The following ROBO2 variants were observed in gnomAD, a reference collection of about 807,000 sequenced individuals.
ROBO2 encodes roundabout homolog 2.
A neutral mutation model predicts 160.8 loss-of-function variants in ROBO2; 53 were observed. The ratio of observed to expected loss-of-function variants is 0.33; its 90% CI spans 0.26 to 0.41. The LOEUF is 0.41. Among genes scored for constraint, ROBO2 ranks in the 10% least tolerant of loss-of-function variants. The probability of loss-of-function intolerance (pLI) is 1.00; values close to 1 mark genes in which losing one functional copy is unlikely to be tolerated. For missense variants in ROBO2, 1,577 were observed against 1,722.4 expected (o/e 0.92, Z 1.49); for synonymous variants, 664 against 611.7 (o/e 1.09, Z -1.26).
intron 2 of ROBO2, among the ~76,000 whole-genome samples, chr3:76,871,064 A>T (rs529572762): frequency 7.1e-4 from 108 of 152,320 alleles, no homozygotes; most frequent in Non-Finnish European, 1.4e-3. Flanking sequence ...TGGACTTGAA[A>T]TTATACATAA....
chr3:76,331,547 C>T (rs1196286708), intron 2 of ROBO2, among the ~76,000 whole-genome samples: 3 of 151,852 alleles, frequency 2.0e-5, no homozygotes, highest in South Asian at 2.1e-4. Context: ...TTGGTTTTAA[C>T]GACATAATTT....
intron 1 of ROBO2, among the ~76,000 whole-genome samples, chr3:77,082,925 G>A (rs1479428638): frequency 1.3e-5 from 2 of 151,334 alleles, no homozygotes; most frequent in Non-Finnish European, 2.9e-5. Context: ...CACACCAAAT[G>A]GAAAAAAAAT....
At chr3:76,000,734 C>T (rs2065863019) in intron 2 of ROBO2, among the ~76,000 whole-genome samples, 4 of 151,882 alleles carry the variant, frequency 2.6e-5, no homozygotes, top group African/African-American at 9.7e-5. Context: ...TCATGATCCA[C>T]CTGCCTCGGC....
intron 2 of ROBO2, among the ~76,000 whole-genome samples, chr3:76,997,015 T>G (rs2149399250): frequency 6.6e-6 from 1 of 152,264 alleles, no homozygotes; most frequent in East Asian, 1.9e-4. Context: ...AAGACATAAT[T>G]AGTGTGTGCT....
intron 2 of ROBO2, among the ~76,000 whole-genome samples, chr3:77,354,427 GCATGAATTTGCAT>G (rs11276587): frequency 0.78 from 117,856 of 151,356 alleles, 46,661 homozygotes; most frequent in Non-Finnish European, 0.86. Context: ...TTATTTCGCG[GCATGAATTTGCAT>G]CATGAATTTG....
At chr3:76,212,403 T>C (rs1703201167) in intron 2 of ROBO2, among the ~76,000 whole-genome samples, 1 of 152,020 alleles carries the variant, frequency 6.6e-6, no homozygotes, top group South Asian at 2.1e-4. Context: ...CGAGATAATG[T>C]AATATGCATT....
chr3:77,376,858 C>T (rs2072756276), intron 2 of ROBO2, among the ~76,000 whole-genome samples: 1 of 152,180 alleles, frequency 6.6e-6, no homozygotes, highest in South Asian at 2.1e-4. Context: ...CATTTCTACC[C>T]TTTCTATTAT....
At chr3:75,982,167 C>T (rs2065297392) in intron 2 of ROBO2, among the ~76,000 whole-genome samples, 2 of 151,548 alleles carry the variant, frequency 1.3e-5, no homozygotes, top group Non-Finnish European at 1.5e-5. Flanking sequence ...TTTATCCGTT[C>T]TTCTGCTGAT....
intron 2 of ROBO2, among the ~76,000 whole-genome samples, chr3:76,852,772 T>G (rs2148550297): frequency 6.6e-6 from 1 of 152,316 alleles, no homozygotes; most frequent in Admixed American, 6.5e-5. Context: ...AAAACTTACA[T>G]TGGTAGATGC....
intron 2 of ROBO2, among the ~76,000 whole-genome samples, chr3:76,470,542 G>A (rs763861184): frequency 2.0e-5 from 3 of 152,014 alleles, no homozygotes; most frequent in Non-Finnish European, 4.4e-5. Context: ...CGTGACTCGG[G>A]CTTCTCATAC....
At chr3:77,177,051 G>A (rs568930702) in intron 2 of ROBO2, among the ~76,000 whole-genome samples, 1 of 151,934 alleles carries the variant, frequency 6.6e-6, no homozygotes, top group East Asian at 1.9e-4. Context: ...CACAAAAGTA[G>A]GAAAAAGAGA....
At chr3:77,310,831 A>G (rs927753131) in intron 2 of ROBO2, among the ~76,000 whole-genome samples, 4 of 149,186 alleles carry the variant, frequency 2.7e-5, no homozygotes, top group Admixed American at 6.8e-5. Flanking sequence ...TTCAGTGTGG[A>G]TAGTAGTTTT....
At chr3:77,273,623 G>C (rs755155439) in intron 2 of ROBO2, among the ~76,000 whole-genome samples, 3 of 152,098 alleles carry the variant, frequency 2.0e-5, no homozygotes, top group Non-Finnish European at 4.4e-5. Flanking sequence ...TTTCTAACTA[G>C]TGATACAGAA....
chr3:77,527,296 T>A, intron 6 of ROBO2, 107 bp from the exon 7 acceptor site: 2 of 749,072 alleles, frequency 2.7e-6, no homozygotes, highest in Non-Finnish European at 3.9e-6. Context: ...AATCACTCTA[T>A]TGTCCATACT....
At chr3:76,796,780 A>G (rs577827319) in intron 2 of ROBO2, among the ~76,000 whole-genome samples, 134 of 152,240 alleles carry the variant, frequency 8.8e-4, no homozygotes, top group African/African-American at 3.1e-3. Context: ...AATGGAAACC[A>G]AAGAAGAGCA....
In ROBO2 at chr3:77,203,800, A is replaced by G. The variant is rs576740962; in HGVS notation, c.388+105460A>G. ...CTCATTCAGTTTTTGCTGCAACTCTATGAGACAGGAACTTTATTCACACCG... is the reference window on the plus strand; with the variant it reads ...CTCATTCAGTTTTTGCTGCAACTCTGTGAGACAGGAACTTTATTCACACCG... On this transcript the variant is annotated intron_variant, in intron 2 of 25. Coordinates refer to ENST00000461745, the Ensembl canonical transcript of ROBO2. 2.0e-3 allele frequency among the ~76,000 whole-genome samples: 303 copies of G among 152,328 alleles called. 2 individuals carry two copies. The highest frequency in any genetic ancestry group is 7.1e-3 in the African/African-American group (296 of 41,570).
intron 2 of ROBO2, among the ~76,000 whole-genome samples, chr3:77,392,596 C>T (rs2074853236): frequency 6.6e-6 from 1 of 152,104 alleles, no homozygotes; most frequent in Non-Finnish European, 1.5e-5. Context: ...GTGTTCTACA[C>T]TTTTTTAATC....
chr3:76,752,253 A>G lies in ROBO2; in HGVS notation c.110-345761A>G, dbSNP rs184838569. Among the ~76,000 whole-genome samples, 87 of 151,224 alleles carry G rather than the reference A, an allele frequency of 5.8e-4. No homozygotes were observed. In the East Asian group the frequency reaches 0.016, roughly 28 times the overall value. ...AATTAAACAATGAGAACACTTGGAC[A>G]CAAGGTGGGGAACATCACACACCGG... On this transcript the variant is annotated intron_variant, in intron 2 of 26. Transcript: ENST00000487694.
intron 2 of ROBO2, among the ~76,000 whole-genome samples, chr3:76,895,433 T>A (rs901621586): frequency 6.6e-6 from 1 of 152,002 alleles, no homozygotes; most frequent in African/African-American, 2.4e-5. Context: ...ATATTTATAA[T>A]TCTTAAAATT....
Sources: gnomAD v4.1 joint callset for allele counts (sites outside exome capture counted in the v4.1 genomes callset) on GRCh38, gnomAD v4.1.1 for gene constraint, MANE v1.5 for transcripts, NCBI Gene and HGNC (gene_info 2026-07-23, HGNC 2026-07-21) for gene names.